Variants in DLG2 observed in about 807,000 individuals in gnomAD.
DLG2 encodes discs large MAGUK scaffold protein 2.
In DLG2, 45 loss-of-function variants were observed where a neutral mutation model predicts 132.5. The ratio of observed to expected loss-of-function variants is 0.34; its 90% CI spans 0.27 to 0.44. DLG2 has a LOEUF of 0.44. Among genes scored for constraint, DLG2 ranks in the 20% least tolerant of loss-of-function variants. The probability of loss-of-function intolerance (pLI) is 1.00; values close to 1 mark genes in which losing one functional copy is unlikely to be tolerated. For synonymous variants in DLG2, 424 were observed against 419.6 expected (o/e 1.01, Z -0.13); for missense variants, 1,045 against 1,196.9 (o/e 0.87, Z 1.87).
rs1183459468 is a variant in DLG2 at position 84,934,546 on chromosome 11, T to TTTTTG, written c.357+177114_357+177115insCAAAA. 3.1e-4 allele frequency among the ~76,000 whole-genome samples: 40 copies of TTTTTG among 128,712 alleles called. 1 individual carries two copies. The highest frequency in any genetic ancestry group is 8.0e-4 in the East Asian group (3 of 3,732). The allele number at this position is 128,712 out of a possible 152,430, so 84.4% of individuals were successfully genotyped here. A position where few individuals can be genotyped will look rare whatever the true frequency, so the allele number is the denominator to read the frequency against. On this transcript the variant is annotated intron_variant, in intron 6 of 27. Coordinates refer to ENST00000376104, the MANE Select transcript of DLG2 (RefSeq NM_001142699.3). ...TTTTGTTTTTTTTTTTTTTTTTTTT[T>TTTTTG]GGTGGGTAGGCTATTTATTACTGTC...
chr11:84,656,152 C>T (rs2099687962), intron 6 of DLG2, among the ~76,000 whole-genome samples: 1 of 152,192 alleles, frequency 6.6e-6, no homozygotes, highest in South Asian at 2.1e-4. Context: ...AGAGAGAGGA[C>T]TGTTGTTTCA....
chr11:84,824,991 G>C (rs2078162209), intron 6 of DLG2, among the ~76,000 whole-genome samples: 1 of 151,840 alleles, frequency 6.6e-6, no homozygotes, highest in South Asian at 2.1e-4. Flanking sequence ...CTTTAGAACT[G>C]TAAGGAAAAA....
intron 9 of DLG2, among the ~76,000 whole-genome samples, chr11:84,143,627 T>C (rs1238623457): frequency 6.6e-6 from 1 of 152,188 alleles, no homozygotes; most frequent in East Asian, 1.9e-4. Flanking sequence ...AAATATAAGC[T>C]TGTAAACTCT....
intron 15 of DLG2, among the ~76,000 whole-genome samples, chr11:83,881,122 A>G (rs2066145731): frequency 6.6e-6 from 1 of 152,200 alleles, no homozygotes; most frequent in Non-Finnish European, 1.5e-5. Flanking sequence ...AAATGAACTC[A>G]TAGTTCCAGA....
At chr11:85,071,640 C>T (rs2065883271) in intron 6 of DLG2, among the ~76,000 whole-genome samples, 2 of 151,634 alleles carry the variant, frequency 1.3e-5, no homozygotes, top group Admixed American at 1.3e-4. Context: ...CAGCCAACTC[C>T]AAAAGAATTT....
intron 3 of DLG2, among the ~76,000 whole-genome samples, chr11:85,523,936 A>G (rs1468971416): frequency 6.6e-6 from 1 of 152,218 alleles, no homozygotes; most frequent in African/African-American, 2.4e-5. Context: ...TTGCACCAAT[A>G]TGGATGGAGC....
intron 7 of DLG2, among the ~76,000 whole-genome samples, chr11:84,261,748 A>G (rs1217303839): frequency 6.6e-6 from 1 of 152,170 alleles, no homozygotes; most frequent in Non-Finnish European, 1.5e-5. Flanking sequence ...GGCATACAAC[A>G]CACACTCAAA....
intron 6 of DLG2, among the ~76,000 whole-genome samples, chr11:84,567,488 G>A (rs574417552): frequency 1.3e-5 from 2 of 152,282 alleles, no homozygotes; most frequent in South Asian, 2.1e-4. Flanking sequence ...GTTTCAGGCT[G>A]AGTTCAAGTA....
intron 15 of DLG2, among the ~76,000 whole-genome samples, chr11:83,884,848 G>A (rs113123041): frequency 0.033 from 4,965 of 152,230 alleles, 197 homozygotes; most frequent in African/African-American, 0.093. Flanking sequence ...GTCTGGAGTG[G>A]ACCTCTAGCA....
At chr11:84,520,751 TTGAG>T (rs2099295632) in intron 7 of DLG2, among the ~76,000 whole-genome samples, 1 of 152,030 alleles carries the variant, frequency 6.6e-6, no homozygotes, top group South Asian at 2.1e-4. Context: ...ACACAGGAAT[TTGAG>T]TGTGGAAGAA....
chr11:84,291,010 A>C (rs1381211628), intron 7 of DLG2, among the ~76,000 whole-genome samples: 1 of 152,202 alleles, frequency 6.6e-6, no homozygotes, highest in African/African-American at 2.4e-5. Context: ...CTAGCAATTA[A>C]AAGTGTTATT....
At chr11:83,521,756 C>T (rs1464452199) in intron 21 of DLG2, among the ~76,000 whole-genome samples, 1 of 152,124 alleles carries the variant, frequency 6.6e-6, no homozygotes, top group Admixed American at 6.6e-5. Flanking sequence ...GTCTCCCCTA[C>T]ATGCCATTGC....
chr11:83,867,524 C>A (rs1444237155), intron 16 of DLG2, among the ~76,000 whole-genome samples: 1 of 152,004 alleles, frequency 6.6e-6, no homozygotes, highest in Non-Finnish European at 1.5e-5. Context: ...TTAAGGAAGG[C>A]TTTCTTTTAT....
At chr11:84,516,556 A>AC (rs1287574841) in intron 7 of DLG2, among the ~76,000 whole-genome samples, 4 of 151,574 alleles carry the variant, frequency 2.6e-5, no homozygotes, top group African/African-American at 9.7e-5. Context: ...AAACAAGGAG[A>AC]TTGAATCAGT....
chr11:85,055,053 A>G (rs1174484085), intron 6 of DLG2, among the ~76,000 whole-genome samples: 1 of 152,198 alleles, frequency 6.6e-6, no homozygotes, highest in Non-Finnish European at 1.5e-5. Flanking sequence ...TTGGCAGCAC[A>G]ATATTTAGAA....
intron 19 of DLG2, among the ~76,000 whole-genome samples, chr11:83,542,820 G>A (rs1332256254): frequency 2.0e-5 from 3 of 152,090 alleles, no homozygotes; most frequent in Non-Finnish European, 4.4e-5. Context: ...CACACATACA[G>A]CATATGACTT....
At chr11:84,775,536 G>A (rs962591078) in intron 6 of DLG2, among the ~76,000 whole-genome samples, 20 of 151,946 alleles carry the variant, frequency 1.3e-4, no homozygotes, top group African/African-American at 3.6e-4. Context: ...CATCAATGCC[G>A]GACTGGATAA....
At chr11:84,362,814 C>T (rs1446034078) in intron 7 of DLG2, among the ~76,000 whole-genome samples, 1 of 152,154 alleles carries the variant, frequency 6.6e-6, no homozygotes, top group East Asian at 1.9e-4. Context: ...CCAATTTCAT[C>T]CATGCCCCTA....
chr11:85,007,664 CAAAAAAAAAAAAAAA>C, intron 6 of DLG2, among the ~76,000 whole-genome samples: 2 of 88,522 alleles, frequency 2.3e-5, no homozygotes, highest in South Asian at 7.9e-4. Flanking sequence ...GACTCCGTCT[CAAAAAAAAAAAAAAA>C]AAAAAAAAAA....
Sources: allele counts gnomAD v4.1 joint callset (sites outside exome capture counted in the v4.1 genomes callset), GRCh38; gene constraint gnomAD v4.1.1; transcripts MANE v1.5; gene names NCBI Gene and HGNC (gene_info 2026-07-23, HGNC 2026-07-21).